CAMK4: variants seen among roughly 807,000 people sequenced by gnomAD.
CAMK4 encodes calcium/calmodulin dependent protein kinase IV.
In CAMK4, 22 loss-of-function variants were observed where a neutral mutation model predicts 44.9. The observed-to-expected ratio is 0.49, with a 90% CI of 0.35 to 0.70. The LOEUF (loss-of-function observed/expected upper bound fraction) is 0.70. Ranked by LOEUF, CAMK4 falls within the 30% of genes least tolerant of loss-of-function variation. The pLI, the probability that CAMK4 is intolerant of heterozygous loss-of-function variation, is 0.01. For missense variants in CAMK4, 498 were observed against 586.8 expected (o/e 0.85, Z 1.56); for synonymous variants, 218 against 215.4 (o/e 1.01, Z -0.11).
Position 111,487,996 on chromosome 5 carries a change from C to G in CAMK4, c.*3530C>G, listed in dbSNP as rs1001873181. 3.3e-5 allele frequency: 5 copies of G among 152,222 alleles called. No individual in the cohort carries two copies. Among genetic ancestry groups the G allele is most frequent in the African/African-American group, 1.2e-4 (5 of 41,468 alleles). 9.4% of individuals were successfully genotyped at this position (152,222 alleles called of 1,614,324 possible). A position where few individuals can be genotyped will look rare whatever the true frequency, so the allele number is the denominator to read the frequency against. The stretch of plus-strand genomic sequence containing the variant: ...CTAAATTATCTACTGACCAATCCCT[C>G]TGATTCCTGATGGGCCCTGGAGTCT... On this transcript the variant is annotated 3_prime_UTR_variant, in exon 11 of 11. Transcript: ENST00000282356.
chr5:111,451,284 T>G (rs1376459809), intron 7 of CAMK4, among the ~76,000 whole-genome samples: 3 of 152,054 alleles, frequency 2.0e-5, no homozygotes, highest in African/African-American at 7.2e-5. Flanking sequence ...CAATATAGTT[T>G]TATTCATAGA....
intron 1 of CAMK4, among the ~76,000 whole-genome samples, chr5:111,227,964 A>G (rs1478743696): frequency 6.6e-6 from 1 of 152,166 alleles, no homozygotes; most frequent in Non-Finnish European, 1.5e-5. Flanking sequence ...CTGGCATTTT[A>G]AAGGCTTTTC....
intron 4 of CAMK4, among the ~76,000 whole-genome samples, chr5:111,379,523 A>G (rs1047746229): frequency 3.3e-5 from 5 of 152,078 alleles, no homozygotes; most frequent in African/African-American, 1.2e-4. Context: ...GCTGATATGA[A>G]CTTGGTCTCT....
rs1396544201 is a variant in CAMK4 at position 111,224,439 on chromosome 5, A to G, written c.-45A>G. 9.8e-6 allele frequency: 15 copies of G among 1,536,184 alleles called. No individual in the cohort carries two copies. Among genetic ancestry groups the G allele is most frequent in the East Asian group, 5.3e-5 (2 of 38,024 alleles). On this transcript the variant is annotated 5_prime_UTR_variant, in exon 1 of 11. Transcript: ENST00000282356. This position sits in a 1 kb window ranked among gnomAD's most constrained non-coding sequence, Gnocchi z 5.7. ...CTGGCGGCCGGCTTCTCGCTCGGGC[A>G]GCGGCGGCGGCGGCGGCGGCGGCTT...
chr5:111,325,525 T>C (rs1748846898), intron 1 of CAMK4, among the ~76,000 whole-genome samples: 1 of 152,080 alleles, frequency 6.6e-6, no homozygotes, highest in East Asian at 1.9e-4. Context: ...CTAGCATCTG[T>C]CTTTTTTATA....
chr5:111,437,743 C>T (rs1055523282), intron 5 of CAMK4, among the ~76,000 whole-genome samples: 1 of 152,008 alleles, frequency 6.6e-6, no homozygotes, highest in African/African-American at 2.4e-5. Flanking sequence ...TTTTGAAAAA[C>T]TGAGAGAAAA....
intron 1 of CAMK4, among the ~76,000 whole-genome samples, chr5:111,312,466 C>T (rs578163646): frequency 6.6e-6 from 1 of 152,240 alleles, no homozygotes; most frequent in South Asian, 2.1e-4. Flanking sequence ...CAATGCCTGG[C>T]TGTGAGTAAC....
chr5:111,452,413 T>C, intron 7 of CAMK4, among the ~76,000 whole-genome samples: 1 of 152,208 alleles, frequency 6.6e-6, no homozygotes, highest in Non-Finnish European at 1.5e-5. Flanking sequence ...AGGTCTGTAT[T>C]TTGTAAATAT....
At chr5:111,296,477 A>G (rs1196805982) in intron 1 of CAMK4, among the ~76,000 whole-genome samples, 1 of 152,246 alleles carries the variant, frequency 6.6e-6, no homozygotes, top group African/African-American at 2.4e-5. Flanking sequence ...AGGGGCAGAT[A>G]GCAAACTTTA....
chr5:111,381,962 A>G (rs944168475), intron 4 of CAMK4, among the ~76,000 whole-genome samples: 25 of 152,090 alleles, frequency 1.6e-4, no homozygotes, highest in African/African-American at 6.0e-4. Context: ...AGTCGAGGCA[A>G]CCAGACTGTC....
intron 1 of CAMK4, among the ~76,000 whole-genome samples, chr5:111,247,138 C>T (rs678455): frequency 0.22 from 33,182 of 151,504 alleles, 4,039 homozygotes; most frequent in Non-Finnish European, 0.28. Flanking sequence ...ATAGTACACA[C>T]CTGTTAAATA....
chr5:111,469,144 C>CAAAAAA (rs1176120789), intron 7 of CAMK4, among the ~76,000 whole-genome samples: 8 of 67,498 alleles, frequency 1.2e-4, no homozygotes, highest in Admixed American at 2.1e-4. Flanking sequence ...AACTCCATCT[C>CAAAAAA]AAAAAAAAAA....
chr5:111,316,584 C>A (rs73786892), intron 1 of CAMK4, among the ~76,000 whole-genome samples: 1 of 152,030 alleles, frequency 6.6e-6, no homozygotes, highest in African/African-American at 2.4e-5. Flanking sequence ...TGAAGATGCA[C>A]GGTGAAGGCT....
chr5:111,296,749 C>A (rs1160201099), intron 1 of CAMK4, among the ~76,000 whole-genome samples: 2 of 152,186 alleles, frequency 1.3e-5, no homozygotes, highest in Non-Finnish European at 2.9e-5. Context: ...CATGAGGATA[C>A]TATCACAAAC....
chr5:111,324,973 G>A (rs760521440), intron 1 of CAMK4, among the ~76,000 whole-genome samples: 46 of 151,806 alleles, frequency 3.0e-4, no homozygotes, highest in Non-Finnish European at 6.2e-4. Context: ...CGTGCATTAG[G>A]TATTTTCCTA....
At chr5:111,469,705 G>A (rs1178646500) in intron 7 of CAMK4, among the ~76,000 whole-genome samples, 2 of 152,184 alleles carry the variant, frequency 1.3e-5, no homozygotes, top group Admixed American at 1.3e-4. Flanking sequence ...CCATAGGGCA[G>A]CATACACAGT....
chr5:111,407,311 ACTGCACTCTAGC>A (rs1752472319), intron 5 of CAMK4, among the ~76,000 whole-genome samples: 1 of 151,336 alleles, frequency 6.6e-6, no homozygotes, highest in African/African-American at 2.4e-5. Flanking sequence ...AGATCGCGCC[ACTGCACTCTAGC>A]CTGGGTGACA....
At chr5:111,443,959 G>A (rs1753940605) in intron 5 of CAMK4, among the ~76,000 whole-genome samples, 3 of 152,126 alleles carry the variant, frequency 2.0e-5, no homozygotes, top group Admixed American at 1.3e-4. Context: ...CCTTCTTGGG[G>A]ACACCGCATG....
intron 5 of CAMK4, among the ~76,000 whole-genome samples, chr5:111,436,300 C>G (rs1337277418): frequency 1.3e-5 from 2 of 152,132 alleles, no homozygotes; most frequent in Admixed American, 1.3e-4. Context: ...AATTTCTAAT[C>G]CAATGAAAAT....
Sources: gnomAD v4.1 joint callset for allele counts (sites outside exome capture counted in the v4.1 genomes callset) on GRCh38, gnomAD v4.1.1 for gene constraint, Gnocchi (gnomAD v3.1) non-coding constraint, MANE v1.5 for transcripts, NCBI Gene and HGNC (gene_info 2026-07-23, HGNC 2026-07-21) for gene names.